The following SPIRE1 variants were observed in gnomAD, a reference collection of about 807,000 sequenced individuals.
The protein encoded by SPIRE1 is protein spire homolog 1.
In SPIRE1, 40 loss-of-function variants were observed where a neutral mutation model predicts 94.1. The observed-to-expected ratio is 0.43, with a 90% CI of 0.33 to 0.55. The LOEUF (loss-of-function observed/expected upper bound fraction) is 0.55, where lower values mean the gene tolerates loss of function less well. SPIRE1 is among the 20% of genes least tolerant of loss of function. The pLI is 0.06. For missense variants in SPIRE1, 838 were observed against 975.2 expected (o/e 0.86, Z 1.87); for synonymous variants, 376 against 371.7 (o/e 1.01, Z -0.13).
At chr18:12,538,865 A>C (rs928907357) in intron 3 of SPIRE1, among the ~76,000 whole-genome samples, 1 of 152,090 alleles carries the variant, frequency 6.6e-6, no homozygotes, top group African/African-American at 2.4e-5. Flanking sequence ...CCAATCCATC[A>C]GTAAGTCTTG....
At chr18:12,509,189 C>G (rs1006373615) in intron 5 of SPIRE1, among the ~76,000 whole-genome samples, 1 of 152,192 alleles carries the variant, frequency 6.6e-6, no homozygotes, top group African/African-American at 2.4e-5. Context: ...TCTCTTAACT[C>G]TTTGCTCTTT....
At chr18:12,641,853 G>C (rs1395848438) in intron 1 of SPIRE1, among the ~76,000 whole-genome samples, 1 of 130,738 alleles carries the variant, frequency 7.6e-6, no homozygotes, top group Non-Finnish European at 1.6e-5. Flanking sequence ...TTTTTTTTGA[G>C]ATGGAGTCTT....
At chr18:12,508,645 A>G (rs969744623) in intron 5 of SPIRE1, among the ~76,000 whole-genome samples, 7 of 151,880 alleles carry the variant, frequency 4.6e-5, no homozygotes, top group African/African-American at 7.3e-5. Context: ...AACTTTTGCT[A>G]TAATTTATAA....
chr18:12,464,857 C>T lies in SPIRE1; in HGVS notation c.1495+11G>A. Reference sequence around the variant, plus strand: ...CATCCGACTACAGCTCTTAGCACCACAACTACTCACTCTTCCTTGTGGACA... The same window carrying T: ...CATCCGACTACAGCTCTTAGCACCATAACTACTCACTCTTCCTTGTGGACA... On this transcript the variant is annotated intron_variant, in intron 11 of 16. Transcript: ENST00000409402. 1.9e-6 allele frequency: 3 copies of T among 1,611,058 alleles called. No homozygotes were observed. The highest frequency in any genetic ancestry group is 1.7e-6 in the Non-Finnish European group (2 of 1,177,378).
At chr18:12,572,917 G>A (rs866436915) in intron 2 of SPIRE1, among the ~76,000 whole-genome samples, 4 of 152,080 alleles carry the variant, frequency 2.6e-5, no homozygotes, top group African/African-American at 4.8e-5. Context: ...TGTAAAATCC[G>A]AAACTATAAA....
chr18:12,558,334 C>T lies in SPIRE1; in HGVS notation c.373-11430G>A, dbSNP rs183359941. ...GTGCCTCCTGGTGGGTTTGTGGTCTCGCTGGCTTCAGGAGTGAAGCTGCAG... is the reference window on the plus strand; with the variant it reads ...GTGCCTCCTGGTGGGTTTGTGGTCTTGCTGGCTTCAGGAGTGAAGCTGCAG... On this transcript the variant is annotated intron_variant, in intron 2 of 16. Transcript: ENST00000409402. 3.6e-3 allele frequency among the ~76,000 whole-genome samples: 542 copies of T among 152,260 alleles called. 1 individual carries two copies. Among genetic ancestry groups the T allele is most frequent in the African/African-American group, 0.012 (510 of 41,540 alleles).
intron 2 of SPIRE1, among the ~76,000 whole-genome samples, chr18:12,575,988 G>A (rs1943416732): frequency 6.6e-6 from 1 of 152,100 alleles, no homozygotes; most frequent in African/African-American, 2.4e-5. Flanking sequence ...CAGATCACCT[G>A]AGGTCAGGAG....
At chr18:12,535,665 A>G in intron 3 of SPIRE1, 64 bp from the exon 4 acceptor site, 1 of 1,499,008 alleles carries the variant, frequency 6.7e-7, no homozygotes, top group Non-Finnish European at 9.1e-7. Context: ...TGTACTTAAA[A>G]ACAGACACGA....
At chr18:12,585,947 C>CATGT (rs1001517931) in intron 2 of SPIRE1, among the ~76,000 whole-genome samples, 1 of 151,916 alleles carries the variant, frequency 6.6e-6, no homozygotes, top group African/African-American at 2.4e-5. Context: ...TATATGTATG[C>CATGT]ATGTATGTAT....
intron 3 of SPIRE1, among the ~76,000 whole-genome samples, chr18:12,540,924 A>G (rs1393142999): frequency 6.6e-6 from 1 of 152,128 alleles, no homozygotes; most frequent in African/African-American, 2.4e-5. Context: ...TGGGGTGTGA[A>G]TCACCCCTTT....
chr18:12,546,426 G>T (rs1323179438), intron 3 of SPIRE1, among the ~76,000 whole-genome samples: 1 of 151,902 alleles, frequency 6.6e-6, no homozygotes, highest in Non-Finnish European at 1.5e-5. Context: ...TGAGCCCAGG[G>T]GTTCAAAACC....
intron 8 of SPIRE1, among the ~76,000 whole-genome samples, chr18:12,486,978 G>A (rs756793594): frequency 1.3e-5 from 2 of 152,130 alleles, no homozygotes; most frequent in Non-Finnish European, 2.9e-5. Flanking sequence ...TCAGCCTCCT[G>A]AGTAGCTGGG....
At chr18:12,521,459 G>A (rs985114618) in intron 4 of SPIRE1, among the ~76,000 whole-genome samples, 2 of 151,606 alleles carry the variant, frequency 1.3e-5, no homozygotes, top group African/African-American at 2.4e-5. Flanking sequence ...TCAGCCTCCC[G>A]AGTAGCTGGG....
chr18:12,451,064 G>C, intron 16 of SPIRE1: 2 of 384,728 alleles, frequency 5.2e-6, no homozygotes, highest in Non-Finnish European at 9.4e-6. Flanking sequence ...ATAAGAGACT[G>C]TCCATTTGAA....
At chr18:12,497,971 C>T (rs2033520918) in intron 6 of SPIRE1, among the ~76,000 whole-genome samples, 1 of 152,182 alleles carries the variant, frequency 6.6e-6, no homozygotes, top group Non-Finnish European at 1.5e-5. Flanking sequence ...GTCCCAATTA[C>T]AGATGTGGGA....
intron 2 of SPIRE1, among the ~76,000 whole-genome samples, chr18:12,551,198 G>C (rs920912539): frequency 6.6e-6 from 1 of 151,976 alleles, no homozygotes; most frequent in East Asian, 1.9e-4. Flanking sequence ...TAATGCTTTG[G>C]ATCTTGTCTA....
At chr18:12,580,548 T>C (rs1311441908) in intron 2 of SPIRE1, among the ~76,000 whole-genome samples, 1 of 152,156 alleles carries the variant, frequency 6.6e-6, no homozygotes, top group East Asian at 1.9e-4. Context: ...GGTCTTAAAC[T>C]CCTGACCTCA....
At chr18:12,568,526 C>A (rs896008728) in intron 2 of SPIRE1, among the ~76,000 whole-genome samples, 1 of 152,272 alleles carries the variant, frequency 6.6e-6, no homozygotes, top group Non-Finnish European at 1.5e-5. Flanking sequence ...ATTCTACCAT[C>A]GCATCACAAT....
Position 12,453,129 on chromosome 18 carries a change from A to G in SPIRE1, c.1786T>C (p.Cys596Arg), listed in dbSNP as rs1360134937. 3 of 1,607,686 alleles carry G rather than the reference A, an allele frequency of 1.9e-6. No homozygotes were observed. Among genetic ancestry groups the G allele is most frequent in the Admixed American group, 1.7e-5 (1 of 58,132 alleles). Residue 596 changes from cysteine to arginine, a missense_variant, in exon 14 of 17, where the codon TGT becomes CGT. Physicochemically the swap from Cys to Arg is radical, Grantham distance 180 (BLOSUM62 -3). Around this residue, in one of 2 missense-constraint regions of SPIRE1, gnomAD observed 645 missense variants for 804.7 expected, o/e 0.80. Transcript: ENST00000409402. The stretch of plus-strand genomic sequence containing the variant: ...AAGGAAAACCTCCTGGTTCGGCAAC[A>G]AAAGCAGAGCTAAAAAATACAAATT... Reference protein sequence around the residue: ...TALKKGKLCFCCRTRRFSFFT... With the variant: ...TALKKGKLCFRCRTRRFSFFT...
Sources: allele counts gnomAD v4.1 joint callset (sites outside exome capture counted in the v4.1 genomes callset), GRCh38; gene constraint gnomAD v4.1.1; regional missense constraint gnomAD v4.1.1; transcripts MANE v1.5; gene names NCBI Gene and HGNC (gene_info 2026-07-23, HGNC 2026-07-21).